The following ITGA10 variants were observed in gnomAD, a reference collection of about 807,000 sequenced individuals.
ITGA10 encodes integrin alpha-10.
In ITGA10, 105 loss-of-function variants were observed where a neutral mutation model predicts 145.2. That is an observed-to-expected ratio of 0.72 (90% confidence interval 0.62 to 0.85). ITGA10 has a LOEUF of 0.85. Ranked by LOEUF, ITGA10 falls within the 40% of genes least tolerant of loss-of-function variation. The probability of loss-of-function intolerance (pLI) is 0.00; values close to 1 mark genes in which losing one functional copy is unlikely to be tolerated. For missense variants in ITGA10, 1,317 were observed against 1,444.5 expected, an observed-to-expected ratio of 0.91 and a Z score of 1.43; for synonymous variants, 506 against 557.8, an observed-to-expected ratio of 0.91 and a Z score of 1.31.
Position 145,901,581 on chromosome 1 carries a change from CT to C in ITGA10, c.1377del (p.Val460SerfsTer12). Reference sequence around the variant, plus strand: ...TCTTTCTTAAGCTGGAAGGCGATGACTTTTCCTCGATGTCTAAATCGAGGAG... The same window carrying C: ...TCTTTCTTAAGCTGGAAGGCGATGACTTTCCTCGATGTCTAAATCGAGGAG... ...SGAPRFRHRG[K>X]VIAFQLKKDG... On this transcript the variant is annotated frameshift_variant, in exon 12 of 30. Coordinates refer to ENST00000369304, the MANE Select transcript of ITGA10 (RefSeq NM_003637.5). LOFTEE classifies it high-confidence loss of function. The surrounding 1 kb of genome is among the most constrained non-coding windows in gnomAD (Gnocchi z 4.3). The C allele has an allele frequency of 6.2e-7, 1 of 1,607,896 alleles. No individual in the cohort carries two copies. The highest frequency in any genetic ancestry group is 8.5e-7 in the Non-Finnish European group (1 of 1,177,530).
Position 145,897,253 on chromosome 1 carries a change from T to A in ITGA10, c.2661A>T (p.Gly887=). 2 of 1,613,864 alleles carry A rather than the reference T, an allele frequency of 1.2e-6. No individual in the cohort carries two copies. Among genetic ancestry groups the A allele is most frequent in the Non-Finnish European group, 8.5e-7 (1 of 1,179,950 alleles). Residue 887 remains glycine (G), a synonymous_variant, in exon 21 of 30, where the codon GGA becomes GGT. Transcript: ENST00000369304. ...ATCCTAGACCCCAACCCACCTTGGC[T>A]CCAGTCTGGAAGACAGGATGCCCCA... ...CSVGHPVFQT[G]AKVTFLLEFE... is the part of the protein sequence containing the mutation.
chr1:145,903,981 C>G (rs920664376), intron 7 of ITGA10, 71 bp downstream of exon 7: 18 of 1,572,874 alleles, frequency 1.1e-5, no homozygotes, highest in Non-Finnish European at 1.5e-5. Context: ...AGCCACCATG[C>G]CTGGCCCCGC....
rs782042239 is a variant in ITGA10 at position 145,901,040 on chromosome 1, C to A, written c.1588-47G>T. The A allele has an allele frequency of 1.9e-6, 3 of 1,613,098 alleles. No homozygotes were observed. In the South Asian group the frequency reaches 3.3e-5, roughly 18 times the overall value. ...AAGATGCTAATCTGGCAGACCCAAC[C>A]TCTCAGCAAACCCTCAAATATGTGC... On this transcript the variant is annotated intron_variant, in intron 13 of 29. Coordinates refer to ENST00000369304, the MANE Select transcript of ITGA10 (RefSeq NM_003637.5). The surrounding 1 kb of genome is among the most constrained non-coding windows in gnomAD (Gnocchi z 4.3).
In ITGA10 at chr1:145,901,581, CTT is replaced by C. The variant is rs782154627; in HGVS notation, c.1376_1377del (p.Lys459SerfsTer7). 5.6e-6 allele frequency: 9 copies of C among 1,607,904 alleles called. No individual in the cohort carries two copies. The highest frequency in any genetic ancestry group is 7.6e-6 in the Non-Finnish European group (9 of 1,177,536). On this transcript the variant is annotated frameshift_variant, in exon 12 of 30. Transcript: ENST00000369304. LOFTEE classifies it high-confidence loss of function. The surrounding 1 kb of genome is among the most constrained non-coding windows in gnomAD (Gnocchi z 4.3). ...TCTTTCTTAAGCTGGAAGGCGATGACTTTTCCTCGATGTCTAAATCGAGGAGC... is the reference window on the plus strand; with the variant it reads ...TCTTTCTTAAGCTGGAAGGCGATGACTTCCTCGATGTCTAAATCGAGGAGC... ...SGAPRFRHRGKVIAFQLKKDG... is the reference protein window; with the variant it reads ...SGAPRFRHRGXVIAFQLKKDG...
chr1:145,900,611 C>T (rs1177175624), intron 14 of ITGA10, among the ~76,000 whole-genome samples, 179 bp downstream of exon 14: 1 of 152,048 alleles, frequency 6.6e-6, no homozygotes, highest in African/African-American at 2.4e-5. Flanking sequence ...ATAAGAGAAA[C>T]TTGCCTGTGT....
chr1:145,893,834 G>A (rs918361376), intron 27 of ITGA10, among the ~76,000 whole-genome samples, 199 bp from the exon 28 acceptor site: 1 of 152,090 alleles, frequency 6.6e-6, no homozygotes, highest in African/African-American at 2.4e-5. Context: ...TGCTGCTGCT[G>A]TTTGTTTTCC....
intron 15 of ITGA10, 51 bp from the exon 16 acceptor site, chr1:145,899,392 A>G (rs1553747057): frequency 1.2e-5 from 19 of 1,583,516 alleles, no homozygotes; most frequent in Non-Finnish European, 1.6e-5. Flanking sequence ...AAGCCCTCTG[A>G]GAAGTGCAAG....
intron 7 of ITGA10, 63 bp from the exon 8 acceptor site, chr1:145,903,024 TACACACACAC>T (rs55794832): frequency 1.1e-3 from 421 of 379,282 alleles, no homozygotes; most frequent in Middle Eastern, 3.3e-3. Flanking sequence ...CACACACACA[TACACACACAC>T]ACACACACAC....
chr1:145,901,826 A>G lies in ITGA10; in HGVS notation c.1294+51T>C. On this transcript the variant is annotated intron_variant, in intron 11 of 29. Transcript: ENST00000369304. This position sits in a 1 kb window ranked among gnomAD's most constrained non-coding sequence, Gnocchi z 4.3. ...TATTTCATACCCGCCCCCACTAGGG[A>G]TGTATTTCCTCCCCTACCCTGTAAG... 1 of 1,608,764 alleles carries G rather than the reference A, an allele frequency of 6.2e-7. No homozygotes were observed. The highest frequency in any genetic ancestry group is 8.5e-7 in the Non-Finnish European group (1 of 1,176,106).
At position 145,900,416 on chromosome 1, in the gene ITGA10, C is replaced by T. The variant is rs187575486; in HGVS notation, c.1792-229G>A. On this transcript the variant is annotated intron_variant, in intron 14 of 29. Transcript: ENST00000369304. ...CTGAGTAACTGGGATTATAGGTGTG[C>T]GCCACCAGGCCCGGCTAATTTTTTG... 5.2e-3 allele frequency among the ~76,000 whole-genome samples: 789 copies of T among 152,168 alleles called. 11 individuals are homozygous for T. The highest frequency in any genetic ancestry group is 0.035 in the South Asian group (167 of 4,822).
chr1:145,908,995 A>G (rs1657499776), intron 1 of ITGA10, among the ~76,000 whole-genome samples: 1 of 151,986 alleles, frequency 6.6e-6, no homozygotes, highest in Non-Finnish European at 1.5e-5. Flanking sequence ...TAGGATGAAG[A>G]TTTTATATAT....
rs782561571 is a variant in ITGA10, at chr1:145,896,051, C to A, written c.2965G>T (p.Ala989Ser). 1.3e-5 allele frequency: 21 copies of A among 1,614,034 alleles called. No homozygotes were observed. Among genetic ancestry groups the A allele is most frequent in the Non-Finnish European group, 1.7e-5 (20 of 1,180,046 alleles). Residue 989 changes from alanine to serine, a missense_variant, in exon 25 of 30, where the codon GCC becomes TCC. Physicochemically the swap from Ala to Ser is moderately conservative, Grantham distance 99 (BLOSUM62 1). Coordinates refer to ENST00000369304, the MANE Select transcript of ITGA10 (RefSeq NM_003637.5). ...CCATGGGCCACAGCTGGAAGGAGGG[C>A]TGAGATGATGAGGCCACTGACCACA... ...CYVVSGLIISALLPAVAHGGN... is the reference protein window; with the variant it reads ...CYVVSGLIISSLLPAVAHGGN...
In ITGA10 at chr1:145,896,834, G is replaced by A. The variant is rs111401299; in HGVS notation, c.2769C>T (p.Thr923=). ...AGGTCTGGGCTGTGTTATCTTGAAGGGTCCCATTTCTCTCCAGGCTGTCAC... is the reference window on the plus strand; with the variant it reads ...AGGTCTGGGCTGTGTTATCTTGAAGAGTCCCATTTCTCTCCAGGCTGTCAC... ...ASSDSLERNG[T]LQDNTAQTSA... The change falls in exon 23 of 30, where the codon ACC becomes ACT. Residue 923 remains threonine (T), a synonymous_variant. Coordinates refer to ENST00000369304, the MANE Select transcript of ITGA10 (RefSeq NM_003637.5). The A allele has an allele frequency of 1.2e-6, 2 of 1,613,820 alleles. No individual in the cohort carries two copies. Among genetic ancestry groups the A allele is most frequent in the African/African-American group, 2.7e-5 (2 of 74,844 alleles).
In ITGA10 at chr1:145,905,070, C is replaced by CACACACACACACACACACACG. The variant is rs1553750640; in HGVS notation, c.482-260_482-259insCGTGTGTGTGTGTGTGTGTGT. On this transcript the variant is annotated intron_variant, in intron 5 of 29. Coordinates refer to ENST00000369304, the MANE Select transcript of ITGA10 (RefSeq NM_003637.5). ...TATATAGGTATATAAACACACACAC[C>CACACACACACACACACACACG]TACACATTTATATACATAGATATAA... Among the ~76,000 whole-genome samples the CACACACACACACACACACACG allele has an allele frequency of 7.9e-5, 12 of 151,422 alleles. 1 individual carries two copies. In the South Asian group the frequency reaches 1.9e-3, roughly 24 times the overall value.
chr1:145,900,056 C>G lies in ITGA10; in HGVS notation c.1922+1G>C. 6.2e-7 allele frequency: 1 copy of G among 1,613,052 alleles called. No individual in the cohort carries two copies. Among genetic ancestry groups the G allele is most frequent in the Non-Finnish European group, 8.5e-7 (1 of 1,179,540 alleles). On this transcript the variant is annotated splice_donor_variant, in intron 15 of 29. Coordinates refer to ENST00000369304, the MANE Select transcript of ITGA10 (RefSeq NM_003637.5). LOFTEE classifies it high-confidence loss of function. ...CCACCACCTGAGCTGGGACCCCTCA[C>G]CTGAGCAGGATGGCTGCCCCCTGGG...
At chr1:145,902,657 T>C in intron 8 of ITGA10, 38 bp from the exon 9 acceptor site, 3 of 1,569,974 alleles carry the variant, frequency 1.9e-6, no homozygotes, top group Non-Finnish European at 2.6e-6. Flanking sequence ...GGCATTAGAG[T>C]TGGTACAGAA....
In ITGA10 at chr1:145,901,115, G is replaced by T; in HGVS notation, c.1587+20C>A. ...CCCCCACAATGCAAGTCCAGGGCAGGGGGTCCCAGCAAGTCTCACCTGGCC... is the reference window on the plus strand; with the variant it reads ...CCCCCACAATGCAAGTCCAGGGCAGTGGGTCCCAGCAAGTCTCACCTGGCC... On this transcript the variant is annotated intron_variant, in intron 13 of 29. Coordinates refer to ENST00000369304, the MANE Select transcript of ITGA10 (RefSeq NM_003637.5). This position sits in a 1 kb window ranked among gnomAD's most constrained non-coding sequence, Gnocchi z 4.3. 1 of 1,613,700 alleles carries T rather than the reference G, an allele frequency of 6.2e-7. No individual in the cohort carries two copies. The highest frequency in any genetic ancestry group is 8.5e-7 in the Non-Finnish European group (1 of 1,179,846).
At position 145,895,374 on chromosome 1, in the gene ITGA10, C is replaced by T; in HGVS notation, c.3134G>A (p.Cys1045Tyr). Residue 1045 changes from cysteine (C) to tyrosine (Y), a missense_variant, in exon 27 of 30, where the codon TGT becomes TAT. By Grantham distance (194) the Cys-to-Tyr change is radical. Transcript: ENST00000369304. ...CCCAAGGTGGCACCTCACCACCTGA[C>T]ACTGAGTATTGCTCCCATTCTAACA... ...TNRLNGSNTQCQVVRCHLGQL... is the reference protein window; with the variant it reads ...TNRLNGSNTQYQVVRCHLGQL... 2 of 1,613,706 alleles carry T rather than the reference C, an allele frequency of 1.2e-6. No homozygotes were observed. Among genetic ancestry groups the T allele is most frequent in the Non-Finnish European group, 1.7e-6 (2 of 1,179,574 alleles).
chr1:145,903,815 T>C (rs1367315524), intron 7 of ITGA10, among the ~76,000 whole-genome samples: 1 of 152,076 alleles, frequency 6.6e-6, no homozygotes, highest in Admixed American at 6.6e-5. Flanking sequence ...GCCTCCGAAG[T>C]AGCATGCCTC....
Sources: allele counts gnomAD v4.1 joint callset (sites outside exome capture counted in the v4.1 genomes callset), GRCh38; gene constraint gnomAD v4.1.1; non-coding constraint Gnocchi (gnomAD v3.1); transcripts MANE v1.5; gene names NCBI Gene and HGNC (gene_info 2026-07-23, HGNC 2026-07-21).